The following LDLRAD4 variants were observed in gnomAD, a reference collection of about 807,000 sequenced individuals.
LDLRAD4 encodes the protein low density lipoprotein receptor class A domain containing 4.
A neutral mutation model predicts 17.0 loss-of-function variants in LDLRAD4; 5 were observed. The ratio of observed to expected loss-of-function variants is 0.29; its 90% confidence interval spans 0.15 to 0.62. The LOEUF is 0.62. Ranked by LOEUF, LDLRAD4 falls within the 20% of genes least tolerant of loss-of-function variation. The pLI, the probability that LDLRAD4 is intolerant of heterozygous loss-of-function variation, is 0.84. For synonymous variants in LDLRAD4, 168 were observed against 171.8 expected (o/e 0.98, Z 0.17); for missense variants, 340 against 424.7 (o/e 0.80, Z 1.75).
intron 3 of LDLRAD4, among the ~76,000 whole-genome samples, chr18:13,604,006 T>C (rs2095194478): frequency 6.6e-6 from 1 of 152,268 alleles, no homozygotes. Flanking sequence ...CCATGAATTC[T>C]TGTCTTCACA....
chr18:13,389,766 A>T (rs2086124958), intron 2 of LDLRAD4, among the ~76,000 whole-genome samples: 1 of 151,306 alleles, frequency 6.6e-6, no homozygotes, highest in Admixed American at 6.6e-5. Context: ...GGTGCTGGGG[A>T]TACCTCTGCC....
At chr18:13,642,874 C>G (rs1601886504) in intron 4 of LDLRAD4, 1 of 489,054 alleles carries the variant, frequency 2.0e-6, no homozygotes, top group Non-Finnish European at 3.2e-6. Flanking sequence ...AAGGGACGGG[C>G]TCTTTCTCGC....
At chr18:13,448,992 T>G (rs1234495624) in intron 3 of LDLRAD4, among the ~76,000 whole-genome samples, 1 of 152,176 alleles carries the variant, frequency 6.6e-6, no homozygotes, top group Non-Finnish European at 1.5e-5. Context: ...GCAGTAATCA[T>G]TTTTTCACTC....
At chr18:13,358,204 A>G (rs1252562611) in intron 1 of LDLRAD4, among the ~76,000 whole-genome samples, 1 of 152,122 alleles carries the variant, frequency 6.6e-6, no homozygotes, top group African/African-American at 2.4e-5. Flanking sequence ...ATATTCACTG[A>G]CACGAGGTTA....
intron 1 of LDLRAD4, among the ~76,000 whole-genome samples, chr18:13,243,088 A>G (rs1485975059): frequency 6.6e-6 from 1 of 152,250 alleles, no homozygotes; most frequent in Non-Finnish European, 1.5e-5. Flanking sequence ...AAGCACTTAA[A>G]GGCTTTATGT....
intron 1 of LDLRAD4, among the ~76,000 whole-genome samples, chr18:13,309,330 A>G (rs564645944): frequency 6.6e-6 from 1 of 152,208 alleles, no homozygotes; most frequent in African/African-American, 2.4e-5. Context: ...GGCCTTGGGA[A>G]TTCATGAGCC....
chr18:13,431,513 G>C (rs2090332347), intron 2 of LDLRAD4, among the ~76,000 whole-genome samples: 1 of 152,182 alleles, frequency 6.6e-6, no homozygotes, highest in Non-Finnish European at 1.5e-5. Flanking sequence ...TGTTCAAGCT[G>C]CTCTGAAGGG....
rs892745000 is a variant in LDLRAD4, at chr18:13,224,845, C to A, written c.-467+5857C>A. On this transcript the variant is annotated intron_variant, in intron 1 of 5. Coordinates refer to the LDLRAD4 transcript ENST00000399848. ...AAGAGTCTCTCTTTTTTTTTTTTTT[C>A]TTAGATAGAGTCTCCCTTTATTACC... 1.1e-4 allele frequency among the ~76,000 whole-genome samples: 15 copies of A among 130,580 alleles called. No homozygotes were observed. In the Admixed American group the frequency reaches 1.2e-3, roughly 10 times the overall value. 85.7% of individuals were successfully genotyped at this position (130,580 alleles called of 152,430 possible). A position where few individuals can be genotyped will look rare whatever the true frequency, so the allele number is the denominator to read the frequency against.
intron 1 of LDLRAD4, among the ~76,000 whole-genome samples, chr18:13,250,367 C>A (rs935172086): frequency 1.3e-5 from 2 of 150,414 alleles, no homozygotes; most frequent in Non-Finnish European, 3.0e-5. Flanking sequence ...TATTTTGGTG[C>A]TTAATAGAAG....
intron 3 of LDLRAD4, among the ~76,000 whole-genome samples, chr18:13,548,701 C>T (rs1180380043): frequency 1.3e-5 from 2 of 152,214 alleles, no homozygotes; most frequent in East Asian, 1.9e-4. Context: ...ACAGCTGTGG[C>T]TGGGGGGCTG....
chr18:13,432,176 A>G (rs1156366630), intron 2 of LDLRAD4, among the ~76,000 whole-genome samples: 4 of 152,186 alleles, frequency 2.6e-5, no homozygotes, highest in Admixed American at 1.3e-4. Context: ...CGGCATTCCC[A>G]TGCTGTCAGT....
At chr18:13,608,001 G>T (rs2095241190) in intron 3 of LDLRAD4, among the ~76,000 whole-genome samples, 1 of 152,122 alleles carries the variant, frequency 6.6e-6, no homozygotes, top group South Asian at 2.1e-4. Flanking sequence ...TTTGGTTCTA[G>T]ATCCTTGAGG....
At chr18:13,600,203 T>G (rs2095145222) in intron 3 of LDLRAD4, among the ~76,000 whole-genome samples, 1 of 152,248 alleles carries the variant, frequency 6.6e-6, no homozygotes, top group East Asian at 1.9e-4. Context: ...TTTTTGGATA[T>G]TGTTACTTAG....
rs1050031553 is a variant in LDLRAD4, at chr18:13,300,881, C to G, written c.-383+22693C>G. 6.6e-6 allele frequency among the ~76,000 whole-genome samples: 1 copy of G among 152,218 alleles called. No individual in the cohort carries two copies. The highest frequency in any genetic ancestry group is 2.4e-5 in the African/African-American group (1 of 41,448). ...GGAAGGAAGGGTGGTGAACTGGGAGCCGGCAGCGCGTCCCAGCGCTGAACC... is the reference window on the plus strand; with the variant it reads ...GGAAGGAAGGGTGGTGAACTGGGAGGCGGCAGCGCGTCCCAGCGCTGAACC... On this transcript the variant is annotated intron_variant, in intron 1 of 5. Transcript: ENST00000359446. The surrounding 1 kb of genome is among the most constrained non-coding windows in gnomAD (Gnocchi z 4.2).
intron 3 of LDLRAD4, chr18:13,488,565 G>A (rs1202106040): frequency 1.3e-5 from 2 of 152,286 alleles, no homozygotes; most frequent in African/African-American, 4.8e-5. Flanking sequence ...AGAAAGCCAG[G>A]CCTGGGAGAC....
chr18:13,429,031 G>A (rs1185738588), intron 2 of LDLRAD4, among the ~76,000 whole-genome samples: 10 of 152,192 alleles, frequency 6.6e-5, no homozygotes, highest in Admixed American at 3.9e-4. Flanking sequence ...GCAGAAAAGA[G>A]AATGGAGCCA....
At chr18:13,281,229 A>G (rs1479580532) in intron 1 of LDLRAD4, among the ~76,000 whole-genome samples, 1 of 152,142 alleles carries the variant, frequency 6.6e-6, no homozygotes, top group African/African-American at 2.4e-5. Flanking sequence ...TCTACTAAAA[A>G]ATCAAAAAAA....
intron 1 of LDLRAD4, among the ~76,000 whole-genome samples, chr18:13,375,741 G>T (rs1041257722): frequency 1.3e-5 from 2 of 152,104 alleles, no homozygotes; most frequent in African/African-American, 4.8e-5. Flanking sequence ...CCTTCCCTCT[G>T]TACAGTCAGG....
chr18:13,416,094 C>A (rs1383655996), intron 2 of LDLRAD4, among the ~76,000 whole-genome samples: 1 of 152,202 alleles, frequency 6.6e-6, no homozygotes, highest in Non-Finnish European at 1.5e-5. Flanking sequence ...CTGGCGGGGA[C>A]ACTGGAGTCC....
Sources: gnomAD v4.1 joint callset for allele counts (sites outside exome capture counted in the v4.1 genomes callset) on GRCh38, gnomAD v4.1.1 for gene constraint, Gnocchi (gnomAD v3.1) non-coding constraint, MANE v1.5 for transcripts, NCBI Gene and HGNC (gene_info 2026-07-23, HGNC 2026-07-21) for gene names.